The following TMPRSS15 variants were observed in gnomAD, a reference collection of about 807,000 sequenced individuals.
TMPRSS15 encodes the protein enteropeptidase.
TMPRSS15 carries 128 observed loss-of-function variants against 125.3 expected under a neutral mutation model. The ratio of observed to expected loss-of-function variants is 1.02; its 90% CI spans 0.89 to 1.18. The LOEUF (loss-of-function observed/expected upper bound fraction) is 1.18, where lower values mean the gene tolerates loss of function less well. Among genes scored for constraint, TMPRSS15 ranks in the 50% most tolerant of loss-of-function variants. The pLI, the probability that TMPRSS15 is intolerant of heterozygous loss-of-function variation, is 0.00. For synonymous variants in TMPRSS15, 446 were observed against 423.2 expected (o/e 1.05, Z -0.66); for missense variants, 1,283 against 1,212.7 (o/e 1.06, Z -0.86).
At chr21:18,473,186 G>A (rs1203381982) in intron 1 of TMPRSS15, among the ~76,000 whole-genome samples, 1 of 152,098 alleles carries the variant, frequency 6.6e-6, no homozygotes, top group Non-Finnish European at 1.5e-5. Flanking sequence ...ATTTTTCAAA[G>A]TACAAGTTTC....
intron 3 of TMPRSS15, among the ~76,000 whole-genome samples, chr21:18,384,490 C>G (rs949680878): frequency 2.0e-5 from 3 of 151,984 alleles, no homozygotes; most frequent in African/African-American, 7.3e-5. Flanking sequence ...TGATTTTATC[C>G]CCTGCTCTGT....
At chr21:18,419,301 C>T (rs1372651072) in intron 1 of TMPRSS15, among the ~76,000 whole-genome samples, 1 of 147,772 alleles carries the variant, frequency 6.8e-6, no homozygotes, top group Non-Finnish European at 1.5e-5. Context: ...TCTCTGCTCA[C>T]TGCAAGCTCG....
intron 17 of TMPRSS15, among the ~76,000 whole-genome samples, chr21:18,313,470 T>C (rs1226950583): frequency 6.6e-6 from 1 of 151,040 alleles, no homozygotes; most frequent in East Asian, 1.9e-4. Flanking sequence ...CCCATAAATA[T>C]ATAGAATTAA....
intron 13 of TMPRSS15, among the ~76,000 whole-genome samples, chr21:18,338,731 A>G (rs1391992971): frequency 2.2e-5 from 2 of 90,092 alleles, no homozygotes; most frequent in African/African-American, 1.1e-4. Flanking sequence ...AGAGAGATAA[A>G]GAGAGAGAAA....
chr21:18,381,938 A>G (rs181607868), intron 4 of TMPRSS15, among the ~76,000 whole-genome samples: 1 of 152,268 alleles, frequency 6.6e-6, no homozygotes, highest in African/African-American at 2.4e-5. Flanking sequence ...ACACAAGTTT[A>G]CCTATATAAC....
chr21:18,301,007 A>T (rs965984248), intron 18 of TMPRSS15, among the ~76,000 whole-genome samples: 1 of 152,192 alleles, frequency 6.6e-6, no homozygotes, highest in African/African-American at 2.4e-5. Context: ...TGATCTTTTC[A>T]ACATTTTTAG....
chr21:18,301,087 T>G (rs545965025), intron 18 of TMPRSS15, among the ~76,000 whole-genome samples: 4 of 152,306 alleles, frequency 2.6e-5, no homozygotes, highest in African/African-American at 9.6e-5. Context: ...TTGAACAAAA[T>G]ACTCCTTCAA....
chr21:18,451,048 C>G (rs546781821), intron 1 of TMPRSS15, among the ~76,000 whole-genome samples: 1 of 152,202 alleles, frequency 6.6e-6, no homozygotes, highest in South Asian at 2.1e-4. Context: ...AATGTTCTAT[C>G]AAATTTATGC....
At chr21:18,359,273 A>G (rs2075655888) in intron 8 of TMPRSS15, among the ~76,000 whole-genome samples, 1 of 152,030 alleles carries the variant, frequency 6.6e-6, no homozygotes, top group African/African-American at 2.4e-5. Context: ...ATCCACATCT[A>G]TCATTTACTT....
At chr21:18,271,102 A>C (rs1218594238) in intron 24 of TMPRSS15, among the ~76,000 whole-genome samples, 1 of 152,240 alleles carries the variant, frequency 6.6e-6, no homozygotes, top group East Asian at 1.9e-4. Context: ...CCCTCCATAC[A>C]CAGGAACATA....
At chr21:18,313,500 A>C (rs1427640989) in intron 17 of TMPRSS15, among the ~76,000 whole-genome samples, 2 of 151,466 alleles carry the variant, frequency 1.3e-5, no homozygotes, top group Non-Finnish European at 2.9e-5. Flanking sequence ...ATATACAGCA[A>C]ATTTTTTGGA....
At chr21:18,342,682 A>C (rs933441205) in intron 12 of TMPRSS15, among the ~76,000 whole-genome samples, 2 of 152,164 alleles carry the variant, frequency 1.3e-5, no homozygotes, top group Non-Finnish European at 2.9e-5. Context: ...ATTGGAGAGG[A>C]AACGTCCCAT....
intron 23 of TMPRSS15, 111 bp downstream of exon 23, chr21:18,278,851 CTG>C (rs1301448484): frequency 1.9e-5 from 12 of 646,962 alleles, no homozygotes; most frequent in South Asian, 1.4e-4. Flanking sequence ...ATTGAAAAAA[CTG>C]TTATATAAGA....
chr21:18,444,599 G>A (rs756463946), intron 1 of TMPRSS15, among the ~76,000 whole-genome samples: 3 of 152,036 alleles, frequency 2.0e-5, no homozygotes, highest in Admixed American at 6.6e-5. Context: ...AAATCTGCAC[G>A]TTGTGCACAT....
At chr21:18,476,524 T>G (rs1221618150) in intron 1 of TMPRSS15, among the ~76,000 whole-genome samples, 1 of 152,146 alleles carries the variant, frequency 6.6e-6, no homozygotes, top group East Asian at 1.9e-4. Context: ...TTTTTGTGCT[T>G]GAAACAAACT....
In TMPRSS15 at chr21:18,402,527, C is replaced by CAAAAAA. The variant is rs60612261; in HGVS notation, c.145+945_145+950dup. ...CTGGCGACAGAGCGAGACTCTATCTCAAAAAAAAAAAAAAAAAAGAGAGAA... is the reference window on the plus strand; with the variant it reads ...CTGGCGACAGAGCGAGACTCTATCTCAAAAAAAAAAAAAAAAAAAAAAAAGAGAGAA... On this transcript the variant is annotated intron_variant, in intron 1 of 24. Transcript: ENST00000284885. Among the ~76,000 whole-genome samples, 5 of 109,038 alleles carry CAAAAAA rather than the reference C, an allele frequency of 4.6e-5. 1 individual carries two copies. Among genetic ancestry groups the CAAAAAA allele is most frequent in the Admixed American group, 1.0e-4 (1 of 9,618 alleles). The allele number at this position is 109,038 out of a possible 152,430, so 71.5% of individuals were successfully genotyped here.
chr21:18,363,784 T>G (rs1434111874), intron 7 of TMPRSS15, among the ~76,000 whole-genome samples: 2 of 152,116 alleles, frequency 1.3e-5, no homozygotes, highest in Non-Finnish European at 2.9e-5. Context: ...AAATGTAGGT[T>G]GAAAACAATA....
intron 1 of TMPRSS15, among the ~76,000 whole-genome samples, chr21:18,420,812 T>C (rs2076190625): frequency 6.6e-6 from 1 of 152,168 alleles, no homozygotes; most frequent in African/African-American, 2.4e-5. Context: ...CACAGCAATA[T>C]AGAGTCAGAT....
At chr21:18,286,853 G>C (rs1233874601) in intron 21 of TMPRSS15, among the ~76,000 whole-genome samples, 1 of 152,112 alleles carries the variant, frequency 6.6e-6, no homozygotes, top group African/African-American at 2.4e-5. Context: ...TCCCCTTCTG[G>C]GCAACAGCAG....
Sources: allele counts gnomAD v4.1 joint callset (sites outside exome capture counted in the v4.1 genomes callset), GRCh38; gene constraint gnomAD v4.1.1; transcripts MANE v1.5; gene names NCBI Gene and HGNC (gene_info 2026-07-23, HGNC 2026-07-21).